The following PRSS38 variants were observed in gnomAD, a reference collection of about 807,000 sequenced individuals.
PRSS38 encodes marapsin 2.
In PRSS38, 22 loss-of-function variants were observed where a neutral mutation model predicts 26.8. That is an observed-to-expected ratio of 0.82 (90% CI 0.59 to 1.17). PRSS38 has a LOEUF of 1.17. Ranked by LOEUF, PRSS38 falls within the 50% of genes most tolerant of loss-of-function variation. The pLI, the probability that PRSS38 is intolerant of heterozygous loss-of-function variation, is 0.00. For synonymous variants in PRSS38, 175 were observed against 172.1 expected (o/e 1.02, Z -0.13); for missense variants, 427 against 422.7 (o/e 1.01, Z -0.09).
At chr1:227,837,373 T>C (rs1196431352) in intron 3 of PRSS38, among the ~76,000 whole-genome samples, 2 of 152,246 alleles carry the variant, frequency 1.3e-5, no homozygotes, top group African/African-American at 4.8e-5. Flanking sequence ...CCCAGCTTTT[T>C]TCGCTGACTA....
rs1664917643 is a variant in PRSS38 at position 227,816,402 on chromosome 1, G to A, written c.311+150G>A. 1 of 815,306 alleles carries A rather than the reference G, an allele frequency of 1.2e-6. No homozygotes were observed. The highest frequency in any genetic ancestry group is 1.9e-6 in the Non-Finnish European group (1 of 522,752). 50.5% of individuals were successfully genotyped at this position (815,306 alleles called of 1,614,324 possible). On this transcript the variant is annotated intron_variant, in intron 2 of 4. Transcript: ENST00000366757. This position sits in a 1 kb window ranked among gnomAD's most constrained non-coding sequence, Gnocchi z 5.1. ...CCCGCGCAAGGCCAGGTCCCCACCA[G>A]TGAGGCTGGTCCCCAAACACACAGC...
At chr1:227,834,050 G>A (rs568004853) in intron 3 of PRSS38, among the ~76,000 whole-genome samples, 2 of 152,158 alleles carry the variant, frequency 1.3e-5, no homozygotes, top group Non-Finnish European at 2.9e-5. Context: ...GACATGGAGT[G>A]TGCATGTGAT....
At chr1:227,825,609 C>G (rs1284283216) in intron 3 of PRSS38, among the ~76,000 whole-genome samples, 1 of 152,172 alleles carries the variant, frequency 6.6e-6, no homozygotes, top group Non-Finnish European at 1.5e-5. Flanking sequence ...CTAGCTAATT[C>G]TCCCAGCACC....
At chr1:227,843,005 C>T (rs1023732450) in intron 3 of PRSS38, among the ~76,000 whole-genome samples, 23 of 152,334 alleles carry the variant, frequency 1.5e-4, no homozygotes, top group Non-Finnish European at 2.4e-4. Context: ...AAGCTCCAAC[C>T]TTGATCAAAG....
rs186741969 is a variant in PRSS38 at position 227,821,975 on chromosome 1, T to G, written c.583+4495T>G. ...AATACCATAACACATATGTGGTTCA[T>G]TTGATGGTGTCCCAGGAGTCTCTTA... On this transcript the variant is annotated intron_variant, in intron 3 of 4. Transcript: ENST00000366757. 1.2e-4 allele frequency among the ~76,000 whole-genome samples: 19 copies of G among 152,320 alleles called. No individual in the cohort carries two copies. The East Asian group carries it at 3.5e-3, about 28-fold the overall frequency.
chr1:227,822,060 AT>A (rs1558232916), intron 3 of PRSS38, among the ~76,000 whole-genome samples: 1 of 151,824 alleles, frequency 6.6e-6, no homozygotes, highest in Non-Finnish European at 1.5e-5. Flanking sequence ...TATAATCTGA[AT>A]TGTCCCATCT....
chr1:227,816,058 T>C lies in PRSS38; in HGVS notation c.149-32T>C. 6.6e-7 allele frequency: 1 copy of C among 1,518,646 alleles called. No individual in the cohort carries two copies. The highest frequency in any genetic ancestry group is 8.9e-7 in the Non-Finnish European group (1 of 1,119,688). 94.1% of individuals were successfully genotyped at this position (1,518,646 alleles called of 1,614,324 possible). A position where few individuals can be genotyped will look rare whatever the true frequency, so the allele number is the denominator to read the frequency against. ...CCCTACCTCTCCCGTGGCCCCAGCATGGCTCCACCGTCAGCTCCGTTCTCC... is the reference window on the plus strand; with the variant it reads ...CCCTACCTCTCCCGTGGCCCCAGCACGGCTCCACCGTCAGCTCCGTTCTCC... On this transcript the variant is annotated intron_variant, in intron 1 of 4. Transcript: ENST00000366757. The surrounding 1 kb of genome is among the most constrained non-coding windows in gnomAD (Gnocchi z 5.1).
At chr1:227,842,381 A>G (rs777001609) in intron 3 of PRSS38, among the ~76,000 whole-genome samples, 1 of 152,122 alleles carries the variant, frequency 6.6e-6, no homozygotes, top group Non-Finnish European at 1.5e-5. Flanking sequence ...TGTTTGGGGC[A>G]CAGAATTGGA....
At chr1:227,825,916 A>C (rs1018724848) in intron 3 of PRSS38, among the ~76,000 whole-genome samples, 2 of 152,126 alleles carry the variant, frequency 1.3e-5, no homozygotes, top group Non-Finnish European at 2.9e-5. Context: ...AATTCTGTGG[A>C]GAATGTCAAT....
intron 3 of PRSS38, among the ~76,000 whole-genome samples, chr1:227,838,954 G>A (rs1665276815): frequency 6.6e-6 from 1 of 152,102 alleles, no homozygotes; most frequent in African/African-American, 2.4e-5. Context: ...CAAAGTGCTG[G>A]GATTACAGGC....
At chr1:227,843,982 T>G (rs571589217) in intron 3 of PRSS38, among the ~76,000 whole-genome samples, 25 of 152,336 alleles carry the variant, frequency 1.6e-4, no homozygotes, top group African/African-American at 5.8e-4. Context: ...AGTGAGACCC[T>G]GTCTCAAAAC....
chr1:227,829,903 G>A (rs190562460), intron 3 of PRSS38, among the ~76,000 whole-genome samples: 7 of 152,226 alleles, frequency 4.6e-5, no homozygotes, highest in South Asian at 2.1e-4. Flanking sequence ...GAAATGTTTC[G>A]TCTTTCACCA....
Position 227,846,365 on chromosome 1 carries a change from T to C in PRSS38, c.*157T>C, listed in dbSNP as rs1294218362. On this transcript the variant is annotated 3_prime_UTR_variant, in exon 5 of 5. Transcript: ENST00000366757. ...CTGAGTCCAGGAGGTGATGAGCAAG[T>C]GTACAAAAGAAAAAAGGGAAGGGGG... is the stretch of plus-strand genomic sequence containing the variant. 2.9e-5 allele frequency: 28 copies of C among 960,406 alleles called. 1 individual carries two copies. In the East Asian group the frequency reaches 3.5e-4, roughly 12 times the overall value. 59.5% of individuals were successfully genotyped at this position (960,406 alleles called of 1,614,324 possible).
intron 3 of PRSS38, among the ~76,000 whole-genome samples, chr1:227,821,237 A>G (rs1398223784): frequency 3.9e-5 from 6 of 152,042 alleles, no homozygotes; most frequent in South Asian, 4.1e-4. Flanking sequence ...TTTTTGCACA[A>G]TATTCCATGG....
At position 227,816,092 on chromosome 1, in the gene PRSS38, T is replaced by G. The variant is rs1324741607; in HGVS notation, c.151T>G (p.Cys51Gly). 6.2e-7 allele frequency: 1 copy of G among 1,611,158 alleles called. No homozygotes were observed. Among genetic ancestry groups the G allele is most frequent in the African/African-American group, 1.3e-5 (1 of 74,726 alleles). The stretch of plus-strand genomic sequence containing the variant: ...CGTCAGCTCCGTTCTCCCTGCAGCC[T>G]GTGGTCGGCCCAGCATGGAGGGGAA... The change falls in exon 2 of 5, where the codon TGT becomes GGT. Residue 51 changes from cysteine to glycine, a missense_variant and splice_region_variant. Physicochemically the swap from Cys to Gly is radical, Grantham distance 159. Coordinates refer to ENST00000366757, the Ensembl canonical transcript of PRSS38. This position sits in a 1 kb window ranked among gnomAD's most constrained non-coding sequence, Gnocchi z 5.1.
intron 3 of PRSS38, among the ~76,000 whole-genome samples, chr1:227,841,705 A>G (rs1299072111): frequency 6.6e-6 from 1 of 152,186 alleles, no homozygotes; most frequent in Non-Finnish European, 1.5e-5. Context: ...GCCCAAATTC[A>G]GTTCACCCAA....
At position 227,816,992 on chromosome 1, in the gene PRSS38, G is replaced by A. The variant is rs1664927913; in HGVS notation, c.312-217G>A. ...GCTGGCCTGTACAGCTGGTGGTCGT[G>A]TACAGACTTGGGTCCCCAGAGCCTC... On this transcript the variant is annotated intron_variant, in intron 2 of 4. Transcript: ENST00000366757. This position sits in a 1 kb window ranked among gnomAD's most constrained non-coding sequence, Gnocchi z 5.1. Among the ~76,000 whole-genome samples the A allele has an allele frequency of 6.6e-6, 1 of 152,248 alleles. No individual in the cohort carries two copies. Among genetic ancestry groups the A allele is most frequent in the South Asian group, 2.1e-4 (1 of 4,832 alleles).
At chr1:227,821,276 G>A (rs1665000403) in intron 3 of PRSS38, among the ~76,000 whole-genome samples, 1 of 151,668 alleles carries the variant, frequency 6.6e-6, no homozygotes, top group Admixed American at 6.6e-5. Context: ...TTTTAATCCA[G>A]TCTATCATTG....
chr1:227,842,164 G>A (rs1272860730), intron 3 of PRSS38, among the ~76,000 whole-genome samples: 3 of 152,136 alleles, frequency 2.0e-5, no homozygotes, highest in Non-Finnish European at 2.9e-5. Flanking sequence ...TTTTAACATG[G>A]GATTTGGAGG....
Sources: allele counts gnomAD v4.1 joint callset (sites outside exome capture counted in the v4.1 genomes callset), GRCh38; gene constraint gnomAD v4.1.1; non-coding constraint Gnocchi (gnomAD v3.1); transcripts MANE v1.5; gene names NCBI Gene and HGNC (gene_info 2026-07-23, HGNC 2026-07-21).